The following DSG2 variants were observed in gnomAD, a reference collection of about 807,000 sequenced individuals.
DSG2 encodes the protein desmoglein-2.
Under a neutral mutation model 75.6 loss-of-function variants are expected in DSG2, and 45 were observed. The ratio of observed to expected loss-of-function variants is 0.60; its 90% CI spans 0.47 to 0.76. DSG2 has a LOEUF of 0.76. Ranked by LOEUF, DSG2 falls within the 30% of genes least tolerant of loss-of-function variation. The pLI is 0.00. For synonymous variants in DSG2, 429 were observed against 483.9 expected, an observed-to-expected ratio of 0.89 and a Z score of 1.49; for missense variants, 1,267 against 1,357.4, an observed-to-expected ratio of 0.93 and a Z score of 1.05.
At position 31,545,922 on chromosome 18, in the gene DSG2, G is replaced by T. The variant is rs1226243364; in HGVS notation, c.2536G>T (p.Asp846Tyr). Residue 846 changes from aspartate (D) to tyrosine (Y), a missense_variant, in exon 15 of 15, where the codon GAT becomes TAT. Physicochemically the swap from Asp to Tyr is radical, Grantham distance 160. Coordinates refer to ENST00000261590, the MANE Select transcript of DSG2 (RefSeq NM_001943.5). Reference sequence around the variant, plus strand: ...TGAAGTTTGCCTGGGTCAAAAAATAGATATAAATAAGGAAATTGAGCAGAG... The same window carrying T: ...TGAAGTTTGCCTGGGTCAAAAAATATATATAAATAAGGAAATTGAGCAGAG... Reference protein sequence around the residue: ...LAEVCLGQKIDINKEIEQRQK... With the variant: ...LAEVCLGQKIYINKEIEQRQK... 6.2e-7 allele frequency: 1 copy of T among 1,614,140 alleles called. No individual in the cohort carries two copies.
chr18:31,545,059 C>A (rs2073295706), intron 14 of DSG2, among the ~76,000 whole-genome samples: 1 of 152,194 alleles, frequency 6.6e-6, no homozygotes, highest in African/African-American at 2.4e-5. Flanking sequence ...AAAACCATTT[C>A]TTGGCCTTTC....
At chr18:31,520,063 G>C in intron 3 of DSG2, 126 bp downstream of exon 3, 1 of 1,227,412 alleles carries the variant, frequency 8.1e-7, no homozygotes, top group Non-Finnish European at 1.2e-6. Context: ...AAATATTCAA[G>C]ATATATCTGA....
chr18:31,528,728 A>T (rs1003056738), intron 8 of DSG2, among the ~76,000 whole-genome samples: 4 of 151,324 alleles, frequency 2.6e-5, no homozygotes, highest in African/African-American at 7.3e-5. Flanking sequence ...AAAAAAAAAA[A>T]TTTGCTGATT....
At chr18:31,538,655 A>C in intron 11 of DSG2, 96 bp from the exon 12 acceptor site, 1 of 1,022,966 alleles carries the variant, frequency 9.8e-7, no homozygotes, top group East Asian at 2.5e-5. Context: ...TTGGAGTTAA[A>C]TACAATCAGC....
intron 1 of DSG2, among the ~76,000 whole-genome samples, chr18:31,501,340 A>G (rs1474901038): frequency 6.6e-6 from 1 of 152,192 alleles, no homozygotes; most frequent in African/African-American, 2.4e-5. Flanking sequence ...ATCAAACTAC[A>G]TTTTAAGGAT....
intron 8 of DSG2, 66 bp downstream of exon 8, chr18:31,524,954 T>G: frequency 1.3e-6 from 2 of 1,486,302 alleles, no homozygotes; most frequent in Non-Finnish European, 1.9e-6. Context: ...TAATATATTT[T>G]GAGCCCTGAA....
At chr18:31,520,036 G>T in intron 3 of DSG2, 99 bp downstream of exon 3, 1 of 1,458,000 alleles carries the variant, frequency 6.9e-7, no homozygotes, top group East Asian at 2.3e-5. Flanking sequence ...AATGTATGAT[G>T]TGCTTACAGA....
chr18:31,508,791 T>A (rs1165280856), intron 1 of DSG2, among the ~76,000 whole-genome samples: 14 of 152,160 alleles, frequency 9.2e-5, no homozygotes, highest in Admixed American at 9.2e-4. Context: ...TTATCCAGGC[T>A]CTCCTCTTCT....
intron 1 of DSG2, among the ~76,000 whole-genome samples, chr18:31,513,609 A>G (rs2073078351): frequency 6.6e-6 from 1 of 152,224 alleles, no homozygotes. Flanking sequence ...ACAATTGAAA[A>G]TGTCTGCCAC....
At position 31,536,281 on chromosome 18, in the gene DSG2, G is replaced by T. The variant is rs1191142951; in HGVS notation, c.1503G>T (p.Glu501Asp). ...ACGACAACTGTCCCACACTGATAGA[G>T]CCTGTGCAGACAATCTGTCACGATG... ...DINDNCPTLIEPVQTICHDAE... is the reference protein window; with the variant it reads ...DINDNCPTLIDPVQTICHDAE... The change falls in exon 11 of 15, where the codon GAG (glutamate) becomes GAT (aspartate). Residue 501 changes from glutamate to aspartate, a missense_variant. Physicochemically the swap from Glu to Asp is conservative, Grantham distance 45. Coordinates refer to ENST00000261590, the MANE Select transcript of DSG2 (RefSeq NM_001943.5). 5.0e-6 allele frequency: 8 copies of T among 1,614,070 alleles called. No homozygotes were observed. Among genetic ancestry groups the T allele is most frequent in the African/African-American group, 2.7e-5 (2 of 74,932 alleles).
intron 1 of DSG2, among the ~76,000 whole-genome samples, chr18:31,501,070 C>G (rs2073011123): frequency 1.3e-5 from 2 of 152,232 alleles, no homozygotes; most frequent in African/African-American, 4.8e-5. Flanking sequence ...AATAGACTTT[C>G]TACTAGATCT....
At chr18:31,542,152 A>G (rs193217060) in intron 13 of DSG2, 1 of 331,222 alleles carries the variant, frequency 3.0e-6, no homozygotes. Context: ...AGGCTTAGAA[A>G]TATAGTCTTT....
intron 12 of DSG2, 100 bp from the exon 13 acceptor site, chr18:31,541,088 GAAGAC>G: frequency 7.0e-7 from 1 of 1,429,464 alleles, no homozygotes; most frequent in Non-Finnish European, 9.8e-7. Flanking sequence ...GTAAATAAGT[GAAGAC>G]AAGTCCAGGA....
chr18:31,506,470 G>T (rs2073039728), intron 1 of DSG2, among the ~76,000 whole-genome samples: 1 of 152,084 alleles, frequency 6.6e-6, no homozygotes, highest in African/African-American at 2.4e-5. Flanking sequence ...CCAATGAAAC[G>T]CCTGCTTCCC....
At chr18:31,505,630 G>C (rs2073034990) in intron 1 of DSG2, among the ~76,000 whole-genome samples, 1 of 151,158 alleles carries the variant, frequency 6.6e-6, no homozygotes, top group Non-Finnish European at 1.5e-5. Flanking sequence ...TTAATGCCCA[G>C]ATAGGTTAAG....
rs80270967 is a variant in DSG2 at position 31,534,508 on chromosome 18, A to ATTTTTTT, written c.1281-748_1281-742dup. The stretch of plus-strand genomic sequence containing the variant: ...ATGCTTCCGTTTAAAATGATCATTG[A>ATTTTTTT]TTTTTTTTTTTTTTTTTTTTGAGAT... On this transcript the variant is annotated intron_variant, in intron 9 of 14. Transcript: ENST00000261590. Among the ~76,000 whole-genome samples, 253 of 112,516 alleles carry ATTTTTTT rather than the reference A, an allele frequency of 2.2e-3. 1 individual carries two copies. The highest frequency in any genetic ancestry group is 6.2e-3 in the East Asian group (21 of 3,376). 73.8% of individuals were successfully genotyped at this position (112,516 alleles called of 152,430 possible). A position where few individuals can be genotyped will look rare whatever the true frequency, so the allele number is the denominator to read the frequency against.
intron 1 of DSG2, among the ~76,000 whole-genome samples, chr18:31,517,942 G>A (rs754135491): frequency 4.6e-5 from 7 of 152,120 alleles, no homozygotes; most frequent in Non-Finnish European, 7.4e-5. Context: ...CATAGGATGC[G>A]GAGTAAAGGA....
Position 31,546,301 on chromosome 18 carries a change from C to T in DSG2, c.2915C>T (p.Ser972Phe), listed in dbSNP as rs751064437. 1 of 1,603,500 alleles carries T rather than the reference C, an allele frequency of 6.2e-7. No homozygotes were observed. The highest frequency in any genetic ancestry group is 8.5e-7 in the Non-Finnish European group (1 of 1,173,656). ...IVTERVYAPA[S>F]TLVDQPYANE... ...ACAGAGAGGGTGTATGCTCCAGCTT[C>T]TACCTTGGTAGATCAGCCTTATGCT... Residue 972 changes from serine (S) to phenylalanine (F), a missense_variant, in exon 15 of 15, where the codon TCT becomes TTT. Ser to Phe is a radical substitution (Grantham distance 155, BLOSUM62 -2). Transcript: ENST00000261590.
chr18:31,536,173 G>A, intron 10 of DSG2, 29 bp from the exon 11 acceptor site: 1 of 1,605,212 alleles, frequency 6.2e-7, no homozygotes, highest in South Asian at 1.1e-5. Flanking sequence ...GGAACAGAAT[G>A]TACATACTTT....
Sources: allele counts gnomAD v4.1 joint callset (sites outside exome capture counted in the v4.1 genomes callset), GRCh38; gene constraint gnomAD v4.1.1; transcripts MANE v1.5; gene names NCBI Gene and HGNC (gene_info 2026-07-23, HGNC 2026-07-21).